Variants in MOSMO observed in about 807,000 individuals in gnomAD.
MOSMO encodes the protein modulator of smoothened protein.
A neutral mutation model predicts 18.4 loss-of-function variants in MOSMO; 5 were observed. The ratio of observed to expected loss-of-function variants is 0.27; its 90% CI spans 0.14 to 0.57. MOSMO has a LOEUF of 0.57. Among genes scored for constraint, MOSMO ranks in the 20% least tolerant of loss-of-function variants. The pLI, the probability that MOSMO is intolerant of heterozygous loss-of-function variation, is 0.92. For missense variants in MOSMO, 138 were observed against 211.8 expected (o/e 0.65, Z 2.16); for synonymous variants, 82 against 82.3 (o/e 1.00, Z 0.02).
At chr16:22,092,327 C>G (rs185886360), downstream of MOSMO, 154 of 319,498 alleles carry the variant, frequency 4.8e-4, no homozygotes, top group African/African-American at 3.0e-3. Flanking sequence ...CTGAGAGGTT[C>G]TGAAATTAGA....
chr16:22,022,785 G>A (rs1899792006), intron 1 of MOSMO, among the ~76,000 whole-genome samples: 1 of 152,134 alleles, frequency 6.6e-6, no homozygotes, highest in Non-Finnish European at 1.5e-5. Flanking sequence ...GCTATATGAA[G>A]ATACAGTGAG....
intron 1 of MOSMO, among the ~76,000 whole-genome samples, chr16:22,036,221 G>A (rs779415932): frequency 6.6e-6 from 1 of 151,838 alleles, no homozygotes; most frequent in Non-Finnish European, 1.5e-5. Flanking sequence ...TGACATCCTG[G>A]GCCAAGTGAT....
intron 1 of MOSMO, among the ~76,000 whole-genome samples, chr16:22,051,472 T>G (rs1169970165): frequency 1.3e-5 from 2 of 152,028 alleles, no homozygotes; most frequent in Non-Finnish European, 2.9e-5. Flanking sequence ...CAAACTAGGC[T>G]AAAATATCAA....
chr16:22,070,415 G>C (rs1346337152), intron 1 of MOSMO, among the ~76,000 whole-genome samples: 1 of 152,152 alleles, frequency 6.6e-6, no homozygotes, highest in Non-Finnish European at 1.5e-5. Context: ...ATAAAAGGTG[G>C]TAACATAATG....
chr16:22,066,480 C>G (rs1423670255), intron 1 of MOSMO, among the ~76,000 whole-genome samples: 1 of 152,146 alleles, frequency 6.6e-6, no homozygotes, highest in Non-Finnish European at 1.5e-5. Flanking sequence ...TGGGAAGGCC[C>G]TACTCTCTCA....
At chr16:22,011,140 AG>A (rs1406268866) in intron 1 of MOSMO, among the ~76,000 whole-genome samples, 1 of 152,158 alleles carries the variant, frequency 6.6e-6, no homozygotes, top group Non-Finnish European at 1.5e-5. Context: ...TTTGTCTAGC[AG>A]CACTGATGCG....
chr16:22,057,386 T>C (rs961690362), intron 1 of MOSMO, among the ~76,000 whole-genome samples: 1 of 152,236 alleles, frequency 6.6e-6, no homozygotes. Context: ...AAGCTCTTTT[T>C]ATGGCAGCAT....
chr16:22,041,495 C>G (rs1900208723), intron 1 of MOSMO, among the ~76,000 whole-genome samples: 2 of 152,254 alleles, frequency 1.3e-5, no homozygotes, highest in African/African-American at 4.8e-5. Flanking sequence ...CAACCCCCAA[C>G]CTGCACCCAG....
At chr16:22,052,155 T>C (rs1900440355) in intron 1 of MOSMO, among the ~76,000 whole-genome samples, 1 of 152,146 alleles carries the variant, frequency 6.6e-6, no homozygotes, top group African/African-American at 2.4e-5. Flanking sequence ...TGTTATTGTT[T>C]GAAATAACAA....
chr16:22,045,776 G>A (rs1316158650), intron 1 of MOSMO, among the ~76,000 whole-genome samples: 1 of 152,050 alleles, frequency 6.6e-6, no homozygotes, highest in Non-Finnish European at 1.5e-5. Flanking sequence ...ATGAATTTAG[G>A]TGTCAGTAGT....
chr16:22,078,834 T>G (rs758851394), intron 2 of MOSMO, among the ~76,000 whole-genome samples: 6 of 152,216 alleles, frequency 3.9e-5, no homozygotes, highest in Non-Finnish European at 8.8e-5. Context: ...TTGGCAGCAC[T>G]AATAGTTATT....
At chr16:22,027,226 T>C (rs986597622) in intron 1 of MOSMO, among the ~76,000 whole-genome samples, 2 of 152,252 alleles carry the variant, frequency 1.3e-5, no homozygotes, top group African/African-American at 2.4e-5. Flanking sequence ...AAAATTATTT[T>C]AGTATTTTCT....
intron 1 of MOSMO, among the ~76,000 whole-genome samples, chr16:22,046,777 G>A (rs963508789): frequency 1.3e-5 from 2 of 152,150 alleles, no homozygotes; most frequent in Admixed American, 6.5e-5. Flanking sequence ...ATGCTAAGCT[G>A]CATATGGGAA....
chr16:22,009,835 A>G (rs1247309609), intron 1 of MOSMO, among the ~76,000 whole-genome samples: 1 of 143,310 alleles, frequency 7.0e-6, no homozygotes, highest in Non-Finnish European at 1.5e-5. Context: ...AAAAAAAAAA[A>G]AAGAGAATTA....
At chr16:22,034,744 G>GTTTTTTTTTT (rs890874059) in intron 1 of MOSMO, among the ~76,000 whole-genome samples, 5 of 55,456 alleles carry the variant, frequency 9.0e-5, no homozygotes, top group Non-Finnish European at 9.7e-5. Context: ...GTTTTTTTGG[G>GTTTTTTTTTT]TTTTTTTTTT....
intron 1 of MOSMO, among the ~76,000 whole-genome samples, chr16:22,060,059 C>T (rs1900611561): frequency 6.6e-6 from 1 of 152,206 alleles, no homozygotes; most frequent in South Asian, 2.1e-4. Context: ...TGTCTGTGGT[C>T]CCAGCTACTC....
intron 1 of MOSMO, among the ~76,000 whole-genome samples, chr16:22,027,888 T>A (rs1046161702): frequency 6.6e-6 from 1 of 152,136 alleles, no homozygotes; most frequent in Non-Finnish European, 1.5e-5. Context: ...GACAGTTGCC[T>A]CACTGAAGCC....
At chr16:22,059,386 C>T (rs1900600321) in intron 1 of MOSMO, among the ~76,000 whole-genome samples, 2 of 152,060 alleles carry the variant, frequency 1.3e-5, no homozygotes, top group South Asian at 2.1e-4. Context: ...AGATAATAAA[C>T]GTTTATTATT....
At chr16:22,025,212 C>T (rs1435993110) in intron 1 of MOSMO, among the ~76,000 whole-genome samples, 1 of 151,872 alleles carries the variant, frequency 6.6e-6, no homozygotes, top group Non-Finnish European at 1.5e-5. Context: ...GGGCAACATA[C>T]CTCAGAGGTC....
Sources: allele counts gnomAD v4.1 joint callset (sites outside exome capture counted in the v4.1 genomes callset), GRCh38; gene constraint gnomAD v4.1.1; transcripts MANE v1.5; gene names NCBI Gene and HGNC (gene_info 2026-07-23, HGNC 2026-07-21).